The following ZFHX3 variants were observed in gnomAD, a reference collection of about 807,000 sequenced individuals.
ZFHX3 encodes the protein zinc finger homeobox 3.
A neutral mutation model predicts 279.1 loss-of-function variants in ZFHX3; 42 were observed. The observed-to-expected ratio is 0.15, with a 90% CI of 0.12 to 0.19. The LOEUF (loss-of-function observed/expected upper bound fraction) is 0.19. ZFHX3 is among the 10% of genes least tolerant of loss of function. ZFHX3 has a pLI of 1.00. For synonymous variants in ZFHX3, 2,293 were observed against 1,957.8 expected, an observed-to-expected ratio of 1.17 and a Z score of -4.52; for missense variants, 4,981 against 4,754.0, an observed-to-expected ratio of 1.05 and a Z score of -1.40.
intron 2 of ZFHX3, among the ~76,000 whole-genome samples, chr16:73,558,709 CTTTTTTT>C (rs989644068): frequency 4.4e-5 from 4 of 90,478 alleles, no homozygotes; most frequent in African/African-American, 1.8e-4. Context: ...GAAAATGACT[CTTTTTTT>C]TTTTTTTTTT....
At position 72,996,530 on chromosome 16, in the gene ZFHX3, A is replaced by G. The variant is rs554813819; in HGVS notation, c.-49-36336T>C. Among the ~76,000 whole-genome samples the G allele has an allele frequency of 4.6e-5, 7 of 152,358 alleles. No individual in the cohort carries two copies. The South Asian group carries it at 1.4e-3, about 32-fold the overall frequency. On this transcript the variant is annotated intron_variant, in intron 1 of 9. Coordinates refer to ENST00000268489, the MANE Select transcript of ZFHX3 (RefSeq NM_006885.4). ...GTTATCCAGACATCCTTAAGCACCA[A>G]AATGCTAACAACTATCCATCAACTC... is the stretch of plus-strand genomic sequence containing the variant.
At position 72,793,147 on chromosome 16, in the gene ZFHX3, A is replaced by G; in HGVS notation, c.9427+108T>C. On this transcript the variant is annotated intron_variant, in intron 9 of 9. Transcript: ENST00000268489. This position sits in a 1 kb window ranked among gnomAD's most constrained non-coding sequence, Gnocchi z 4.3. ...GTTGCTTTTAAAGAACTAGAAAGGTAAGCTTCCCATCTGCCCAGCACTCAG... is the reference window on the plus strand; with the variant it reads ...GTTGCTTTTAAAGAACTAGAAAGGTGAGCTTCCCATCTGCCCAGCACTCAG... 1 of 1,501,414 alleles carries G rather than the reference A, an allele frequency of 6.7e-7. No homozygotes were observed. Among genetic ancestry groups the G allele is most frequent in the Non-Finnish European group, 8.9e-7 (1 of 1,125,932 alleles). The allele number at this position is 1,501,414 out of a possible 1,614,324, so 93.0% of individuals were successfully genotyped here. A position where few individuals can be genotyped will look rare whatever the true frequency, so the allele number is the denominator to read the frequency against.
At chr16:73,577,967 T>C (rs2051818239) in intron 2 of ZFHX3, among the ~76,000 whole-genome samples, 1 of 152,202 alleles carries the variant, frequency 6.6e-6, no homozygotes, top group East Asian at 1.9e-4. Flanking sequence ...CTCTAAAACT[T>C]TTCTAATGTT....
chr16:73,022,697 A>G (rs1005219827), intron 1 of ZFHX3, among the ~76,000 whole-genome samples: 1 of 152,156 alleles, frequency 6.6e-6, no homozygotes. Flanking sequence ...CACAGGGCCA[A>G]GCAGGTAACA....
At chr16:73,190,104 G>C (rs1936070983) in intron 5 of ZFHX3, among the ~76,000 whole-genome samples, 1 of 152,188 alleles carries the variant, frequency 6.6e-6, no homozygotes, top group Admixed American at 6.5e-5. Context: ...ATAAGATAGA[G>C]TGAGCATCTT....
intron 5 of ZFHX3, among the ~76,000 whole-genome samples, chr16:72,825,953 A>G (rs2036918356): frequency 6.6e-6 from 1 of 152,168 alleles, no homozygotes; most frequent in Non-Finnish European, 1.5e-5. Context: ...GCACTGATCT[A>G]TAGTAATATC....
chr16:73,403,101 C>T lies in ZFHX3; in HGVS notation c.-1291+52902G>A, dbSNP rs545646355. Among the ~76,000 whole-genome samples, 438 of 152,092 alleles carry T rather than the reference C, an allele frequency of 2.9e-3. 2 individuals carry two copies. The highest frequency in any genetic ancestry group is 5.5e-3 in the Non-Finnish European group (371 of 67,994). On this transcript the variant is annotated intron_variant, in intron 3 of 17. Transcript: ENST00000641206. Reference sequence around the variant, plus strand: ...GCATGTGTGTGCACGTGTGGGCGCACGGTCCACCTGGTGGGCTGGCTGATT... The same window carrying T: ...GCATGTGTGTGCACGTGTGGGCGCATGGTCCACCTGGTGGGCTGGCTGATT...
chr16:73,662,400 G>A (rs887175241), intron 2 of ZFHX3, among the ~76,000 whole-genome samples: 1 of 151,950 alleles, frequency 6.6e-6, no homozygotes, highest in Non-Finnish European at 1.5e-5. Context: ...CTCATTAGAT[G>A]GATATCTCTT....
At chr16:73,552,426 CA>C (rs2143772253) in intron 2 of ZFHX3, among the ~76,000 whole-genome samples, 1 of 152,256 alleles carries the variant, frequency 6.6e-6, no homozygotes, top group Non-Finnish European at 1.5e-5. Context: ...CCATTTCATT[CA>C]AAAATGATCA....
At chr16:73,414,218 T>C (rs2017526889) in intron 3 of ZFHX3, among the ~76,000 whole-genome samples, 1 of 152,254 alleles carries the variant, frequency 6.6e-6, no homozygotes, top group Non-Finnish European at 1.5e-5. Flanking sequence ...GCTCCAACCA[T>C]TACCTGAAAG....
At chr16:72,821,105 G>A (rs771735434) in intron 5 of ZFHX3, among the ~76,000 whole-genome samples, 1 of 152,186 alleles carries the variant, frequency 6.6e-6, no homozygotes, top group Non-Finnish European at 1.5e-5. Flanking sequence ...GGTAAAATGT[G>A]GGTGTGTGTC....
intron 2 of ZFHX3, among the ~76,000 whole-genome samples, chr16:73,506,588 C>A (rs757432109): frequency 1.3e-5 from 2 of 152,194 alleles, no homozygotes; most frequent in Admixed American, 6.5e-5. Context: ...GGCTCTGACA[C>A]CCCCTGGCCA....
chr16:73,055,129 CTTT>C (rs879447390), intron 1 of ZFHX3, among the ~76,000 whole-genome samples: 4 of 145,172 alleles, frequency 2.8e-5, no homozygotes, highest in African/African-American at 1.0e-4. Context: ...TTTTCTCTCT[CTTT>C]TTTTTTTTAA....
intron 2 of ZFHX3, among the ~76,000 whole-genome samples, chr16:73,474,614 C>A (rs966372714): frequency 5.9e-5 from 9 of 152,120 alleles, no homozygotes; most frequent in African/African-American, 2.2e-4. Flanking sequence ...GGCATCAGCC[C>A]CCTGAGTTTT....
intron 2 of ZFHX3, among the ~76,000 whole-genome samples, chr16:73,600,718 C>T (rs1218476269): frequency 1.3e-5 from 2 of 152,120 alleles, no homozygotes; most frequent in African/African-American, 4.8e-5. Context: ...CCATGCCTGG[C>T]CATTTTCTCT....
chr16:73,088,719 T>C (rs1966038587), intron 8 of ZFHX3, among the ~76,000 whole-genome samples: 2 of 152,196 alleles, frequency 1.3e-5, no homozygotes, highest in South Asian at 4.1e-4. Flanking sequence ...AGGTACATCC[T>C]GAAGTTCAAG....
At chr16:73,752,911 T>G (rs562850825) in intron 1 of ZFHX3, among the ~76,000 whole-genome samples, 1 of 152,262 alleles carries the variant, frequency 6.6e-6, no homozygotes, top group East Asian at 1.9e-4. Flanking sequence ...TAAAACCAGG[T>G]ACCATTTGCA....
At chr16:73,027,352 C>T (rs1250763298) in intron 1 of ZFHX3, among the ~76,000 whole-genome samples, 2 of 152,246 alleles carry the variant, frequency 1.3e-5, no homozygotes, top group African/African-American at 4.8e-5. Context: ...ACTCTCCAGT[C>T]CAGTCAAAAT....
At chr16:73,045,043 T>G (rs1422095054) in intron 1 of ZFHX3, among the ~76,000 whole-genome samples, 1 of 152,214 alleles carries the variant, frequency 6.6e-6, no homozygotes, top group Non-Finnish European at 1.5e-5. Flanking sequence ...ATGACACTGT[T>G]ACAACTCTGC....
Sources: allele counts gnomAD v4.1 joint callset (sites outside exome capture counted in the v4.1 genomes callset), GRCh38; gene constraint gnomAD v4.1.1; non-coding constraint Gnocchi (gnomAD v3.1); transcripts MANE v1.5; gene names NCBI Gene and HGNC (gene_info 2026-07-23, HGNC 2026-07-21).